SLC24A3: variants seen among roughly 807,000 people sequenced by gnomAD.
The protein encoded by SLC24A3 is solute carrier family 24 member 3.
Under a neutral mutation model 75.8 loss-of-function variants are expected in SLC24A3, and 28 were observed. The ratio of observed to expected loss-of-function variants is 0.37; its 90% CI spans 0.27 to 0.51. The LOEUF is 0.51. SLC24A3 is among the 20% of genes least tolerant of loss of function. The pLI is 0.94. For missense variants in SLC24A3, 663 were observed against 847.8 expected (o/e 0.78, Z 2.71); for synonymous variants, 372 against 334.1 (o/e 1.11, Z -1.24).
intron 2 of SLC24A3, among the ~76,000 whole-genome samples, chr20:19,478,390 G>A (rs548017429): frequency 2.6e-5 from 4 of 152,106 alleles, no homozygotes; most frequent in African/African-American, 7.2e-5. Flanking sequence ...ATGATCTTTC[G>A]TGCTATGGTT....
At chr20:19,613,183 A>G (rs367791549) in intron 6 of SLC24A3, among the ~76,000 whole-genome samples, 55 of 152,324 alleles carry the variant, frequency 3.6e-4, no homozygotes, top group African/African-American at 1.2e-3. Flanking sequence ...CATCCTATGT[A>G]TCATCATGAA....
At chr20:19,242,823 A>C (rs894683109) in intron 1 of SLC24A3, among the ~76,000 whole-genome samples, 2 of 152,220 alleles carry the variant, frequency 1.3e-5, no homozygotes, top group Non-Finnish European at 2.9e-5. Flanking sequence ...CTACTAGACA[A>C]AATTTGCATG....
intron 2 of SLC24A3, among the ~76,000 whole-genome samples, chr20:19,492,093 T>G (rs975886671): frequency 6.6e-6 from 1 of 152,200 alleles, no homozygotes; most frequent in African/African-American, 2.4e-5. Context: ...CCCAGGTTGT[T>G]CACTGTGCAC....
At chr20:19,403,639 G>T (rs1156779635) in intron 2 of SLC24A3, among the ~76,000 whole-genome samples, 6 of 152,218 alleles carry the variant, frequency 3.9e-5, no homozygotes, top group Admixed American at 3.9e-4. Flanking sequence ...AAGGCAGCAG[G>T]GATGGCTCTT....
intron 2 of SLC24A3, among the ~76,000 whole-genome samples, chr20:19,485,622 A>G (rs978379452): frequency 1.3e-5 from 2 of 152,178 alleles, no homozygotes; most frequent in Non-Finnish European, 2.9e-5. Flanking sequence ...TGCATATGTA[A>G]TATATCTATT....
intron 1 of SLC24A3, among the ~76,000 whole-genome samples, chr20:19,256,311 G>A (rs970809720): frequency 6.6e-6 from 1 of 152,132 alleles, no homozygotes; most frequent in African/African-American, 2.4e-5. Flanking sequence ...GCAGTTTCAT[G>A]GTTGCCTGGG....
At chr20:19,621,857 T>C (rs1202349568) in intron 6 of SLC24A3, among the ~76,000 whole-genome samples, 1 of 152,230 alleles carries the variant, frequency 6.6e-6, no homozygotes, top group African/African-American at 2.4e-5. Flanking sequence ...TTAGCTGTTA[T>C]GTTTGTGAAA....
At chr20:19,702,737 T>A (rs1169025104) in intron 15 of SLC24A3, among the ~76,000 whole-genome samples, 2 of 152,110 alleles carry the variant, frequency 1.3e-5, no homozygotes, top group African/African-American at 4.8e-5. Context: ...TCCAGGGAAG[T>A]CAAGGAGATT....
At chr20:19,403,300 T>G (rs1245196135) in intron 2 of SLC24A3, among the ~76,000 whole-genome samples, 1 of 152,226 alleles carries the variant, frequency 6.6e-6, no homozygotes, top group East Asian at 1.9e-4. Context: ...TTGTTATTCA[T>G]TATTCCTTCA....
chr20:19,606,962 C>A (rs2031605419), intron 6 of SLC24A3, among the ~76,000 whole-genome samples: 1 of 152,182 alleles, frequency 6.6e-6, no homozygotes, highest in Non-Finnish European at 1.5e-5. Context: ...TGTCCCTCTG[C>A]AGCCCCTCAG....
intron 6 of SLC24A3, among the ~76,000 whole-genome samples, chr20:19,586,356 A>G (rs1188595015): frequency 2.0e-5 from 3 of 152,230 alleles, no homozygotes; most frequent in Admixed American, 6.5e-5. Context: ...AACTTTGTGT[A>G]TCTTCTAGTA....
chr20:19,622,200 G>A (rs767254183), intron 6 of SLC24A3, among the ~76,000 whole-genome samples: 2 of 152,216 alleles, frequency 1.3e-5, no homozygotes, highest in Non-Finnish European at 2.9e-5. Context: ...GAGGCTTGGT[G>A]CAGAAAAAGA....
intron 2 of SLC24A3, among the ~76,000 whole-genome samples, chr20:19,489,259 A>G (rs1352917871): frequency 1.3e-5 from 2 of 151,958 alleles, no homozygotes; most frequent in South Asian, 4.2e-4. Context: ...GGTATGATTG[A>G]CTCATTGGCT....
At chr20:19,412,810 A>G (rs957713539) in intron 2 of SLC24A3, among the ~76,000 whole-genome samples, 2 of 152,206 alleles carry the variant, frequency 1.3e-5, no homozygotes, top group African/African-American at 2.4e-5. Flanking sequence ...TTGTGCAGTA[A>G]CAGCTGAATA....
At chr20:19,414,996 T>G (rs1986804243) in intron 2 of SLC24A3, among the ~76,000 whole-genome samples, 1 of 152,244 alleles carries the variant, frequency 6.6e-6, no homozygotes, top group Admixed American at 6.5e-5. Context: ...TTTTACAGCC[T>G]TATAGTATGT....
chr20:19,256,787 AAG>A (rs1366250931), intron 1 of SLC24A3, among the ~76,000 whole-genome samples: 2 of 151,726 alleles, frequency 1.3e-5, no homozygotes, highest in Admixed American at 6.6e-5. Flanking sequence ...AAAAAAAAAA[AAG>A]AGAATTTTAT....
At chr20:19,368,186 G>T (rs1052582194) in intron 2 of SLC24A3, among the ~76,000 whole-genome samples, 10 of 38,858 alleles carry the variant, frequency 2.6e-4, no homozygotes, top group African/African-American at 5.6e-4. Context: ...GAGGGATGTT[G>T]GGCTTCTTTT....
At chr20:19,660,024 A>G (rs1305913450) in intron 7 of SLC24A3, among the ~76,000 whole-genome samples, 1 of 152,202 alleles carries the variant, frequency 6.6e-6, no homozygotes, top group Non-Finnish European at 1.5e-5. Context: ...CATCACCGGC[A>G]GCTGGCTGAC....
Position 19,511,398 on chromosome 20 carries a change from G to A in SLC24A3, c.272-4090G>A, listed in dbSNP as rs909955644. Among the ~76,000 whole-genome samples the A allele has an allele frequency of 1.1e-4, 17 of 149,392 alleles. No homozygotes were observed. In the South Asian group the frequency reaches 2.1e-3, roughly 19 times the overall value. On this transcript the variant is annotated intron_variant, in intron 2 of 16. Coordinates refer to ENST00000328041, the MANE Select transcript of SLC24A3 (RefSeq NM_020689.4). ...GCTGGAGTACAGTGGCGTGATCTCC[G>A]CTCACTGCAAGCTCCGCCTCTCAGG...
Sources: gnomAD v4.1 joint callset for allele counts (sites outside exome capture counted in the v4.1 genomes callset) on GRCh38, gnomAD v4.1.1 for gene constraint, MANE v1.5 for transcripts, NCBI Gene and HGNC (gene_info 2026-07-23, HGNC 2026-07-21) for gene names.